PCDHGB1: variants seen among roughly 807,000 people sequenced by gnomAD.
PCDHGB1 encodes the protein protocadherin gamma-B1.
PCDHGB1 carries 34 observed loss-of-function variants against 56.6 expected under a neutral mutation model. That is an observed-to-expected ratio of 0.60 (90% confidence interval 0.46 to 0.80). The LOEUF (loss-of-function observed/expected upper bound fraction) is 0.80. PCDHGB1 is among the 30% of genes least tolerant of loss of function. PCDHGB1 has a pLI of 0.00. For missense variants in PCDHGB1, 1,278 were observed against 1,204.6 expected, an observed-to-expected ratio of 1.06 and a Z score of -0.90; for synonymous variants, 561 against 505.9, an observed-to-expected ratio of 1.11 and a Z score of -1.46.
At chr5:141,410,765 T>C (rs1238144239) in intron 1 of PCDHGB1, 1 of 1,066,570 alleles carries the variant, frequency 9.4e-7, no homozygotes, top group Non-Finnish European at 1.3e-6. Flanking sequence ...TTTTCAATTA[T>C]AGTTTTCACT....
chr5:141,384,372 G>C, intron 1 of PCDHGB1: 1 of 1,613,854 alleles, frequency 6.2e-7, no homozygotes, highest in South Asian at 1.1e-5. Context: ...CTTATTCCTT[G>C]GCCGAAGACA....
chr5:141,363,430 A>G (rs1003624399), intron 1 of PCDHGB1, among the ~76,000 whole-genome samples: 5 of 152,204 alleles, frequency 3.3e-5, no homozygotes, highest in Admixed American at 6.5e-5. Flanking sequence ...GTCTCAACAT[A>G]GAAAGGTCAC....
At chr5:141,394,154 C>A (rs770076493) in intron 1 of PCDHGB1, 1 of 1,613,918 alleles carries the variant, frequency 6.2e-7, no homozygotes, top group Admixed American at 1.7e-5. Context: ...ACATTAACGA[C>A]AACCCTCCTA....
At position 141,455,034 on chromosome 5, in the gene PCDHGB1, G is replaced by T. The variant is rs112590950; in HGVS notation, c.2410-39773G>T. 8.3e-3 allele frequency among the ~76,000 whole-genome samples: 1,254 copies of T among 150,894 alleles called. 18 individuals are homozygous for T. Among genetic ancestry groups the T allele is most frequent in the African/African-American group, 0.029 (1,191 of 41,122 alleles). ...TCACCGTGTTAGCCAGGATGGTCTC[G>T]ATCTCCTGACCTCGTGATCCGCCCG... On this transcript the variant is annotated intron_variant, in intron 1 of 3. Coordinates refer to ENST00000523390, the MANE Select transcript of PCDHGB1 (RefSeq NM_018922.3).
chr5:141,365,099 G>A (rs767635242), intron 1 of PCDHGB1: 1 of 1,613,850 alleles, frequency 6.2e-7, no homozygotes, highest in East Asian at 2.2e-5. Flanking sequence ...GAACATACCT[G>A]TGGGCACTCG....
intron 1 of PCDHGB1, chr5:141,375,951 C>G (rs767101939): frequency 1.2e-6 from 2 of 1,613,526 alleles, no homozygotes; most frequent in Admixed American, 3.3e-5. Context: ...GGCCTGCACA[C>G]GGGCGAGGTG....
chr5:141,422,876 G>A (rs2096681830), intron 1 of PCDHGB1: 1 of 1,614,248 alleles, frequency 6.2e-7, no homozygotes, highest in Non-Finnish European at 8.5e-7. Context: ...GTGTCGCTGA[G>A]CCTGTTCGTG....
intron 1 of PCDHGB1, among the ~76,000 whole-genome samples, chr5:141,433,974 C>A (rs1045247496): frequency 6.6e-6 from 1 of 152,026 alleles, no homozygotes; most frequent in Non-Finnish European, 1.5e-5. Context: ...GGCTTTCTAC[C>A]TTGAAGAAGA....
intron 1 of PCDHGB1, chr5:141,408,402 G>A: frequency 1.2e-6 from 2 of 1,614,052 alleles, no homozygotes; most frequent in Non-Finnish European, 1.7e-6. Context: ...CGCAAGCTGC[G>A]AGTGAGCGCG....
intron 1 of PCDHGB1, chr5:141,372,861 T>C (rs1283954034): frequency 7.0e-7 from 1 of 1,420,218 alleles, no homozygotes; most frequent in South Asian, 1.4e-5. Context: ...TTTCAATTCA[T>C]TGATTTAGAG....
intron 1 of PCDHGB1, chr5:141,420,054 G>A (rs1355002535): frequency 6.2e-7 from 1 of 1,614,070 alleles, no homozygotes; most frequent in East Asian, 2.2e-5. Context: ...TCAGTTCTCT[G>A]CTCCAAGTCC....
chr5:141,476,803 T>G lies in PCDHGB1; in HGVS notation c.2410-18004T>G, dbSNP rs756358461. 3 of 1,613,688 alleles carry G rather than the reference T, an allele frequency of 1.9e-6. No individual in the cohort carries two copies. The highest frequency in any genetic ancestry group is 2.2e-5 in the South Asian group (2 of 91,092). ...CCCCAGCTCTCTCCGCCAGCCTGCCTATTCACATCAAGGTGCTGGACGCGA... is the reference window on the plus strand; with the variant it reads ...CCCCAGCTCTCTCCGCCAGCCTGCCGATTCACATCAAGGTGCTGGACGCGA... On this transcript the variant is annotated intron_variant, in intron 1 of 3. Transcript: ENST00000523390. The surrounding 1 kb of genome is among the most constrained non-coding windows in gnomAD (Gnocchi z 7.6).
intron 1 of PCDHGB1, among the ~76,000 whole-genome samples, chr5:141,466,921 AG>A (rs2099132133): frequency 6.6e-6 from 1 of 152,204 alleles, no homozygotes; most frequent in African/African-American, 2.4e-5. Context: ...TCCTTGTATT[AG>A]GAATATTAGT....
At chr5:141,388,207 C>T (rs1374751231) in intron 1 of PCDHGB1, 1 of 1,578,332 alleles carries the variant, frequency 6.3e-7, no homozygotes, top group Admixed American at 1.7e-5. Flanking sequence ...GAATTTGAGG[C>T]TGTTGCTGAA....
chr5:141,362,601 A>T, intron 1 of PCDHGB1: 6 of 1,575,186 alleles, frequency 3.8e-6, no homozygotes, highest in Non-Finnish European at 5.2e-6. Flanking sequence ...TTATTGTTTC[A>T]CCTAATTTGG....
Position 141,476,263 on chromosome 5 carries a change from C to G in PCDHGB1, c.2410-18544C>G. 13 of 1,613,940 alleles carry G rather than the reference C, an allele frequency of 8.1e-6. No individual in the cohort carries two copies. Among genetic ancestry groups the G allele is most frequent in the Non-Finnish European group, 1.1e-5 (13 of 1,180,010 alleles). On this transcript the variant is annotated intron_variant, in intron 1 of 3. Transcript: ENST00000523390. This position sits in a 1 kb window ranked among gnomAD's most constrained non-coding sequence, Gnocchi z 7.6. ...GAGAGAAGGGTTTCGCTGTGGGCAA[C>G]GTGGTCGCGAACCTTGGTTTGGATC...
At chr5:141,379,452 A>G (rs1775607962) in intron 1 of PCDHGB1, 1 of 152,242 alleles carries the variant, frequency 6.6e-6, no homozygotes, top group Non-Finnish European at 1.5e-5. Flanking sequence ...TGATTATTTC[A>G]TAAACTCTGA....
chr5:141,367,972 C>T (rs1765427011), intron 1 of PCDHGB1, among the ~76,000 whole-genome samples: 1 of 152,084 alleles, frequency 6.6e-6, no homozygotes, highest in Non-Finnish European at 1.5e-5. Context: ...CGTATGTGCT[C>T]ATCTTAAATT....
At position 141,375,854 on chromosome 5, in the gene PCDHGB1, G is replaced by A. The variant is rs937512272; in HGVS notation, c.2409+23185G>A. 3.1e-6 allele frequency: 5 copies of A among 1,613,934 alleles called. No homozygotes were observed. The South Asian group carries it at 5.5e-5, about 18-fold the overall frequency. ...AGAGCCCGGCTACCTGGTGACCAAG[G>A]TGGTGGCGGTGGACAGAGACTCGGG... On this transcript the variant is annotated intron_variant, in intron 1 of 3. Coordinates refer to ENST00000523390, the MANE Select transcript of PCDHGB1 (RefSeq NM_018922.3).
Sources: allele counts gnomAD v4.1 joint callset (sites outside exome capture counted in the v4.1 genomes callset), GRCh38; gene constraint gnomAD v4.1.1; non-coding constraint Gnocchi (gnomAD v3.1); transcripts MANE v1.5; gene names NCBI Gene and HGNC (gene_info 2026-07-23, HGNC 2026-07-21).